The following FZD6 variants were observed in gnomAD, a reference collection of about 807,000 sequenced individuals.
FZD6 encodes frizzled class receptor 6.
A neutral mutation model predicts 61.4 loss-of-function variants in FZD6; 49 were observed. The observed-to-expected ratio is 0.80, with a 90% confidence interval of 0.63 to 1.01. FZD6 has a LOEUF of 1.01. Among genes scored for constraint, FZD6 ranks in the 50% least tolerant of loss-of-function variants. FZD6 has a pLI of 0.00. For missense variants in FZD6, 724 were observed against 848.2 expected, an observed-to-expected ratio of 0.85 and a Z score of 1.82; for synonymous variants, 265 against 292.2, an observed-to-expected ratio of 0.91 and a Z score of 0.95.
chr8:103,311,273 C>A (rs908807191), intron 2 of FZD6, among the ~76,000 whole-genome samples: 1 of 152,162 alleles, frequency 6.6e-6, no homozygotes, highest in Non-Finnish European at 1.5e-5. Flanking sequence ...TTTTGCATAA[C>A]CCTCTCCCCA....
Position 103,325,311 on chromosome 8 carries a change from A to T in FZD6, c.1205A>T (p.His402Leu). The change falls in exon 4 of 7, where the codon CAT (histidine) becomes CTT (leucine). Residue 402 changes from histidine (H) to leucine (L), a missense_variant. Transcript: ENST00000358755. ...AATCATGTTCGACAAGTCATACAAC[A>T]TGATGGCCGGAACCAAGAAAAACTA... ...SLNHVRQVIQ[H>L]DGRNQEKLKK... 4 of 1,614,164 alleles carry T rather than the reference A, an allele frequency of 2.5e-6. No individual in the cohort carries two copies. Among genetic ancestry groups the T allele is most frequent in the Non-Finnish European group, 3.4e-6 (4 of 1,179,994 alleles).
chr8:103,299,867 C>T (rs144765772), intron 1 of FZD6, 89 bp from the exon 2 acceptor site: 48 of 467,078 alleles, frequency 1.0e-4, no homozygotes, highest in Middle Eastern at 6.1e-4. Context: ...GTGTTTGTTA[C>T]CTGGGGTGAA....
chr8:103,313,054 A>G (rs890381801), intron 2 of FZD6, among the ~76,000 whole-genome samples: 1 of 152,190 alleles, frequency 6.6e-6, no homozygotes, highest in African/African-American at 2.4e-5. Flanking sequence ...GTTAAAGAGG[A>G]CATACTCTGG....
At chr8:103,306,732 C>G (rs1232668766) in intron 2 of FZD6, among the ~76,000 whole-genome samples, 1 of 151,856 alleles carries the variant, frequency 6.6e-6, no homozygotes, top group African/African-American at 2.4e-5. Flanking sequence ...GTCTCAATCT[C>G]CTGACCTCAA....
At chr8:103,318,068 T>G (rs946402448) in intron 2 of FZD6, among the ~76,000 whole-genome samples, 10 of 152,040 alleles carry the variant, frequency 6.6e-5, no homozygotes, top group African/African-American at 2.4e-4. Context: ...TGGTTCACAG[T>G]AGACATGGGG....
chr8:103,331,621 T>A lies in FZD6; in HGVS notation c.*112T>A. On this transcript the variant is annotated 3_prime_UTR_variant, in exon 7 of 7. Transcript: ENST00000358755. ...TCTTCTTTTGCACTTAAAGTTGCAT[T>A]GCCTACTGTTATACTGGAAAAAATA... 1 of 761,630 alleles carries A rather than the reference T, an allele frequency of 1.3e-6. No individual in the cohort carries two copies. Among genetic ancestry groups the A allele is most frequent in the Non-Finnish European group, 2.3e-6 (1 of 431,264 alleles). 47.2% of individuals were successfully genotyped at this position (761,630 alleles called of 1,614,324 possible).
chr8:103,321,610 T>C (rs703810), intron 3 of FZD6, among the ~76,000 whole-genome samples: 13,860 of 152,294 alleles, frequency 0.091, 748 homozygotes, highest in Middle Eastern at 0.26. Flanking sequence ...TGTGTGGTTA[T>C]GGCATGCATT....
chr8:103,312,766 T>G (rs1235888831), intron 2 of FZD6, among the ~76,000 whole-genome samples: 5 of 152,222 alleles, frequency 3.3e-5, no homozygotes, highest in Non-Finnish European at 5.9e-5. Context: ...AGTGCTGTGA[T>G]TTGTTCTGAA....
intron 4 of FZD6, 99 bp from the exon 5 acceptor site, chr8:103,328,169 T>G: frequency 1.1e-6 from 1 of 893,210 alleles, no homozygotes. Flanking sequence ...GTAAAACAGT[T>G]GAAGATTTAT....
At chr8:103,327,521 G>A (rs1204307566) in intron 4 of FZD6, among the ~76,000 whole-genome samples, 5 of 152,226 alleles carry the variant, frequency 3.3e-5, no homozygotes, top group Admixed American at 2.6e-4. Context: ...GCTTGAACGC[G>A]GGAGGCGGAG....
At chr8:103,322,427 A>G (rs1302656810) in intron 3 of FZD6, among the ~76,000 whole-genome samples, 1 of 152,116 alleles carries the variant, frequency 6.6e-6, no homozygotes, top group Non-Finnish European at 1.5e-5. Flanking sequence ...TTTAAAAGAA[A>G]TATTCTATCT....
At chr8:103,315,285 A>G (rs1484686044) in intron 2 of FZD6, among the ~76,000 whole-genome samples, 1 of 152,068 alleles carries the variant, frequency 6.6e-6, no homozygotes, top group African/African-American at 2.4e-5. Context: ...TCCTTAATTT[A>G]AAGTCTCACT....
At position 103,328,292 on chromosome 8, in the gene FZD6, T is replaced by C. The variant is rs752314851; in HGVS notation, c.1417T>C (p.Leu473=). ...GGCAAAAGCAAAAGCTCGACCAGAA[T>C]TGGCTTTATTTATGATAAAATACCT... ...YQAKAKARPE[L]ALFMIKYLMT... is the part of the protein sequence containing the mutation. Residue 473 remains leucine, a synonymous_variant, in exon 5 of 7, where the codon TTG becomes CTG. Coordinates refer to ENST00000358755, the MANE Select transcript of FZD6 (RefSeq NM_003506.4). 5 of 1,611,942 alleles carry C rather than the reference T, an allele frequency of 3.1e-6. No individual in the cohort carries two copies. The South Asian group carries it at 4.4e-5, about 14-fold the overall frequency.
chr8:103,331,047 C>T (rs532238334), intron 6 of FZD6, among the ~76,000 whole-genome samples: 2 of 152,094 alleles, frequency 1.3e-5, no homozygotes, highest in African/African-American at 4.8e-5. Context: ...TGTGGTGGCA[C>T]CCACCTGTAG....
Position 103,331,540 on chromosome 8 carries a change from A to G in FZD6, c.*31A>G. 1 of 1,461,764 alleles carries G rather than the reference A, an allele frequency of 6.8e-7. No individual in the cohort carries two copies. Among genetic ancestry groups the G allele is most frequent in the Non-Finnish European group, 9.6e-7 (1 of 1,042,090 alleles). 90.5% of individuals were successfully genotyped at this position (1,461,764 alleles called of 1,614,324 possible). A position where few individuals can be genotyped will look rare whatever the true frequency, so the allele number is the denominator to read the frequency against. ...ATTTTCTCTCGTTACTCAGAAGCAA[A>G]TTTGTGTTACACTGGAAGTGACCTA... On this transcript the variant is annotated 3_prime_UTR_variant, in exon 7 of 7. Coordinates refer to ENST00000358755, the MANE Select transcript of FZD6 (RefSeq NM_003506.4).
chr8:103,331,415 A>T lies in FZD6; in HGVS notation c.2027A>T (p.Glu676Val). The T allele has an allele frequency of 6.2e-7, 1 of 1,610,748 alleles. No homozygotes were observed. The highest frequency in any genetic ancestry group is 8.5e-7 in the Non-Finnish European group (1 of 1,176,962). The change falls in exon 7 of 7, where the codon GAA becomes GTA. Residue 676 changes from glutamate to valine, a missense_variant. Coordinates refer to ENST00000358755, the MANE Select transcript of FZD6 (RefSeq NM_003506.4). ...AATTTGCAGGTCCCCAGTTCTTCAG[A>T]ACCAAGCAGCCTCAAAGGTTCCACA... Reference protein sequence around the residue: ...SNNLQVPSSSEPSSLKGSTSL... With the variant: ...SNNLQVPSSSVPSSLKGSTSL...
chr8:103,302,622 C>T (rs1183074485), intron 2 of FZD6, among the ~76,000 whole-genome samples: 1 of 152,062 alleles, frequency 6.6e-6, no homozygotes, highest in East Asian at 1.9e-4. Context: ...GGCCCTTGTC[C>T]TGATTGGATA....
Position 103,330,380 on chromosome 8 carries a change from G to T in FZD6, c.1952+315G>T, listed in dbSNP as rs1365826857. 6.6e-5 allele frequency among the ~76,000 whole-genome samples: 10 copies of T among 152,062 alleles called. No homozygotes were observed. In the South Asian group the frequency reaches 1.9e-3, roughly 28 times the overall value. ...TTAATTAATACTACATTATAATTCT[G>T]TCTAAAAAGTGTCACCTTATACAAA... On this transcript the variant is annotated intron_variant, in intron 6 of 6. Transcript: ENST00000358755.
Position 103,331,585 on chromosome 8 carries a change from C to A in FZD6, c.*76C>A. The A allele has an allele frequency of 1.0e-6, 1 of 990,986 alleles. No individual in the cohort carries two copies. Among genetic ancestry groups the A allele is most frequent in the Non-Finnish European group, 1.6e-6 (1 of 626,954 alleles). The allele number at this position is 990,986 out of a possible 1,614,324, so 61.4% of individuals were successfully genotyped here. ...GACCTATGCACTGTTTTGTAAGAAT[C>A]ACTGTTACATTCTTCTTTTGCACTT... On this transcript the variant is annotated 3_prime_UTR_variant, in exon 7 of 7. Transcript: ENST00000358755.
Sources: gnomAD v4.1 joint callset for allele counts (sites outside exome capture counted in the v4.1 genomes callset) on GRCh38, gnomAD v4.1.1 for gene constraint, MANE v1.5 for transcripts, NCBI Gene and HGNC (gene_info 2026-07-23, HGNC 2026-07-21) for gene names.